The following OPCML variants were observed in gnomAD, a reference collection of about 807,000 sequenced individuals.
OPCML encodes the protein opioid binding protein/cell adhesion molecule like.
Under a neutral mutation model 37.8 loss-of-function variants are expected in OPCML, and 13 were observed. That is an observed-to-expected ratio of 0.34 (90% CI 0.22 to 0.55). The LOEUF (loss-of-function observed/expected upper bound fraction) is 0.55, where lower values mean the gene tolerates loss of function less well. Ranked by LOEUF, OPCML falls within the 20% of genes least tolerant of loss-of-function variation. The probability of loss-of-function intolerance (pLI) is 0.91; values close to 1 mark genes in which losing one functional copy is unlikely to be tolerated. For synonymous variants in OPCML, 176 were observed against 168.8 expected (o/e 1.04, Z -0.33); for missense variants, 341 against 435.6 (o/e 0.78, Z 1.93).
At chr11:132,694,235 TATC>T (rs1270570820) in intron 2 of OPCML, among the ~76,000 whole-genome samples, 2 of 130,046 alleles carry the variant, frequency 1.5e-5, no homozygotes, top group South Asian at 2.8e-4. Context: ...AATCTTCCTC[TATC>T]ATCAGGCTGG....
chr11:133,137,958 G>A (rs1042556875), intron 1 of OPCML, among the ~76,000 whole-genome samples: 4 of 152,166 alleles, frequency 2.6e-5, no homozygotes, highest in Non-Finnish European at 5.9e-5. Flanking sequence ...CTTTTAGGAA[G>A]GTAGCTGCTA....
intron 1 of OPCML, among the ~76,000 whole-genome samples, chr11:132,984,855 C>T (rs1391666643): frequency 6.6e-6 from 1 of 152,170 alleles, no homozygotes; most frequent in Non-Finnish European, 1.5e-5. Flanking sequence ...TTCACCCTGC[C>T]GCCCGCTTCC....
chr11:133,324,917 T>C (rs1943413727), intron 1 of OPCML, among the ~76,000 whole-genome samples: 1 of 152,208 alleles, frequency 6.6e-6, no homozygotes, highest in African/African-American at 2.4e-5. Context: ...ATATATTCTA[T>C]ATATGTATAT....
chr11:133,140,976 A>AGAC (rs1949798427), intron 1 of OPCML, among the ~76,000 whole-genome samples: 3 of 3,638 alleles, frequency 8.2e-4, no homozygotes, highest in African/African-American at 1.4e-3. Flanking sequence ...AAGAAGAAGA[A>AGAC]GAAGAAGAAG....
intron 1 of OPCML, among the ~76,000 whole-genome samples, chr11:133,335,689 T>G (rs1240832503): frequency 6.6e-6 from 1 of 152,078 alleles, no homozygotes; most frequent in Non-Finnish European, 1.5e-5. Flanking sequence ...TCACTCTCAT[T>G]CCAAATCTCC....
chr11:132,823,691 A>T (rs1057084086), intron 2 of OPCML, among the ~76,000 whole-genome samples: 5 of 152,256 alleles, frequency 3.3e-5, no homozygotes, highest in East Asian at 1.9e-4. Context: ...AAAACATAAC[A>T]AAAGAATTCT....
At chr11:132,965,198 C>T (rs769301631) in intron 1 of OPCML, among the ~76,000 whole-genome samples, 5 of 152,184 alleles carry the variant, frequency 3.3e-5, no homozygotes, top group Admixed American at 6.5e-5. Context: ...TCATCTTCCT[C>T]ATCTGGAAAT....
intron 2 of OPCML, among the ~76,000 whole-genome samples, chr11:132,684,169 T>C (rs1943071475): frequency 6.6e-6 from 1 of 152,206 alleles, no homozygotes; most frequent in Non-Finnish European, 1.5e-5. Flanking sequence ...TCTCCTTAAT[T>C]AATTTATAAT....
At chr11:133,034,340 T>TGTGTGTGTGA (rs746361652) in intron 1 of OPCML, among the ~76,000 whole-genome samples, 5 of 150,968 alleles carry the variant, frequency 3.3e-5, no homozygotes, top group East Asian at 1.9e-4. Flanking sequence ...TGTGTGTGTG[T>TGTGTGTGTGA]GACAGACAGA....
intron 1 of OPCML, among the ~76,000 whole-genome samples, chr11:133,353,564 A>G (rs546046518): frequency 6.6e-6 from 1 of 152,316 alleles, no homozygotes; most frequent in South Asian, 2.1e-4. Context: ...GGCCACAGAA[A>G]CAGATGATGG....
chr11:133,247,254 C>A lies in OPCML; in HGVS notation c.61+285010G>T, dbSNP rs1347708049. On this transcript the variant is annotated intron_variant, in intron 1 of 7. Transcript: ENST00000524381. ...GTGAGGGAAACTGAATAGGAAAGCC[C>A]AGAGAAGGAAAAGAAACTCTAGGAG... Among the ~76,000 whole-genome samples the A allele has an allele frequency of 2.0e-5, 3 of 151,998 alleles. No homozygotes were observed. The South Asian group carries it at 6.2e-4, about 32-fold the overall frequency.
intron 1 of OPCML, among the ~76,000 whole-genome samples, chr11:133,290,009 C>G (rs565069618): frequency 1.1e-4 from 16 of 152,250 alleles, no homozygotes; most frequent in African/African-American, 3.9e-4. Context: ...CACAGAGAAC[C>G]CTTTTCCCAG....
chr11:132,742,738 T>A (rs115721702), intron 2 of OPCML, among the ~76,000 whole-genome samples: 1,956 of 147,998 alleles, frequency 0.013, 41 homozygotes, highest in African/African-American at 0.046. Flanking sequence ...ATAATAAAAA[T>A]ATATATATAT....
At chr11:133,100,480 T>C (rs1331614791) in intron 1 of OPCML, among the ~76,000 whole-genome samples, 1 of 152,138 alleles carries the variant, frequency 6.6e-6, no homozygotes, top group Non-Finnish European at 1.5e-5. Flanking sequence ...AAAATTTATA[T>C]GAAGAGGAAA....
intron 2 of OPCML, among the ~76,000 whole-genome samples, chr11:132,716,132 A>G (rs1273762497): frequency 6.6e-6 from 1 of 152,212 alleles, no homozygotes; most frequent in African/African-American, 2.4e-5. Context: ...CTGCTGCTGA[A>G]GCTGCCTGGA....
intron 4 of OPCML, among the ~76,000 whole-genome samples, chr11:132,482,728 A>G (rs1214802778): frequency 1.3e-5 from 2 of 152,144 alleles, no homozygotes; most frequent in African/African-American, 4.8e-5. Flanking sequence ...ACCATGATGA[A>G]GTGGGCTTCA....
chr11:132,985,995 T>C (rs898580489), intron 1 of OPCML, among the ~76,000 whole-genome samples: 7 of 152,254 alleles, frequency 4.6e-5, no homozygotes, highest in African/African-American at 1.7e-4. Context: ...GTATCATACA[T>C]CAGCCTGTTG....
At chr11:132,662,071 C>A (rs74842654) in intron 2 of OPCML, among the ~76,000 whole-genome samples, 1 of 152,116 alleles carries the variant, frequency 6.6e-6, no homozygotes, top group African/African-American at 2.4e-5. Flanking sequence ...GATTCAGGGT[C>A]GTTTTGTTTT....
At chr11:132,947,951 T>C (rs1235748991) in intron 1 of OPCML, among the ~76,000 whole-genome samples, 1 of 152,222 alleles carries the variant, frequency 6.6e-6, no homozygotes, top group African/African-American at 2.4e-5. Flanking sequence ...AGCATTTCCT[T>C]TGAGCACCAT....
Sources: allele counts gnomAD v4.1 joint callset (sites outside exome capture counted in the v4.1 genomes callset), GRCh38; gene constraint gnomAD v4.1.1; transcripts MANE v1.5; gene names NCBI Gene and HGNC (gene_info 2026-07-23, HGNC 2026-07-21).